ACTR3: variants seen among roughly 807,000 people sequenced by gnomAD.
The protein encoded by ACTR3 is actin related protein 3.
A neutral mutation model predicts 56.8 loss-of-function variants in ACTR3; 12 were observed. That is an observed-to-expected ratio of 0.21 (90% CI 0.14 to 0.34). ACTR3 has a LOEUF of 0.34. Among genes scored for constraint, ACTR3 ranks in the 10% least tolerant of loss-of-function variants. The pLI, the probability that ACTR3 is intolerant of heterozygous loss-of-function variation, is 1.00. For synonymous variants in ACTR3, 162 were observed against 167.4 expected, an observed-to-expected ratio of 0.97 and a Z score of 0.25; for missense variants, 282 against 512.5, an observed-to-expected ratio of 0.55 and a Z score of 4.34.
intron 4 of ACTR3, among the ~76,000 whole-genome samples, chr2:113,928,044 C>A (rs7602093): frequency 0.87 from 131,817 of 152,060 alleles, 57,527 homozygotes; most frequent in African/African-American, 0.95. Context: ...TTTATTTCTT[C>A]TGTCTTTAAG....
intron 7 of ACTR3, among the ~76,000 whole-genome samples, chr2:113,940,351 A>G (rs548348036): frequency 7.0e-4 from 107 of 152,308 alleles, no homozygotes; most frequent in Non-Finnish European, 1.1e-3. Flanking sequence ...ACCAAATGAC[A>G]TTAACATAAA....
chr2:113,910,457 A>G (rs1249557948), intron 1 of ACTR3, among the ~76,000 whole-genome samples: 2 of 152,070 alleles, frequency 1.3e-5, no homozygotes, highest in Non-Finnish European at 2.9e-5. Flanking sequence ...AATTAATTGA[A>G]CTCAAGGAGG....
In ACTR3 at chr2:113,928,232, T is replaced by G. The variant is rs557918584; in HGVS notation, c.336+777T>G. On this transcript the variant is annotated intron_variant, in intron 4 of 11. Transcript: ENST00000263238. ...TCGGTGATTGTGATGGACTATAAAG[T>G]TGAAAGAACCATACTATGGACACTC... 2.9e-3 allele frequency among the ~76,000 whole-genome samples: 443 copies of G among 152,298 alleles called. 3 individuals carry two copies. Among genetic ancestry groups the G allele is most frequent in the Non-Finnish European group, 3.0e-3 (202 of 68,010 alleles).
chr2:113,922,391 T>A (rs1321512890), intron 3 of ACTR3, among the ~76,000 whole-genome samples: 2 of 152,126 alleles, frequency 1.3e-5, no homozygotes, highest in Non-Finnish European at 2.9e-5. Flanking sequence ...TGGAAGTAAA[T>A]GAGAAAAAAG....
chr2:113,909,365 C>G (rs756427468), intron 1 of ACTR3, among the ~76,000 whole-genome samples: 2 of 151,946 alleles, frequency 1.3e-5, no homozygotes, highest in East Asian at 3.9e-4. Flanking sequence ...TGATTTTGGC[C>G]AAGAATGGGG....
intron 4 of ACTR3, among the ~76,000 whole-genome samples, chr2:113,928,892 A>G (rs1679667561): frequency 6.6e-6 from 1 of 152,182 alleles, no homozygotes; most frequent in South Asian, 2.1e-4. Flanking sequence ...CCCGTGCCCT[A>G]GTGACAACCA....
At chr2:113,914,562 G>T (rs1679367855) in intron 2 of ACTR3, among the ~76,000 whole-genome samples, 1 of 144,316 alleles carries the variant, frequency 6.9e-6, no homozygotes, top group South Asian at 2.2e-4. Context: ...AGTGAGCTGA[G>T]ATGGCGCCAC....
chr2:113,900,664 T>TA (rs1176843762), intron 1 of ACTR3, among the ~76,000 whole-genome samples: 6 of 152,170 alleles, frequency 3.9e-5, no homozygotes, highest in African/African-American at 1.4e-4. Context: ...CCCGATGCAT[T>TA]AGGGATAGTC....
At chr2:113,898,110 A>T (rs1679042302) in intron 1 of ACTR3, among the ~76,000 whole-genome samples, 1 of 151,956 alleles carries the variant, frequency 6.6e-6, no homozygotes, top group South Asian at 2.1e-4. Context: ...CATGTAAACC[A>T]TGTTTTTAGT....
chr2:113,919,756 A>AT (rs140774750), intron 3 of ACTR3, among the ~76,000 whole-genome samples: 45,101 of 151,710 alleles, frequency 0.3, 11,052 homozygotes, highest in African/African-American at 0.67. Flanking sequence ...ATTTTATTTT[A>AT]TTTTTAAGAC....
At chr2:113,890,041 G>A (rs575206402), upstream of ACTR3, 3 of 594,908 alleles carry the variant, frequency 5.0e-6, no homozygotes, top group African/African-American at 5.7e-5. Flanking sequence ...GAAGAGAGAG[G>A]GGGAGGAGGC....
At chr2:113,913,951 A>G (rs1251273515) in intron 2 of ACTR3, among the ~76,000 whole-genome samples, 2 of 152,188 alleles carry the variant, frequency 1.3e-5, no homozygotes, top group Admixed American at 6.5e-5. Context: ...AACACTTCTG[A>G]TCTATTTGTC....
intron 3 of ACTR3, among the ~76,000 whole-genome samples, chr2:113,922,049 G>C (rs186279376): frequency 6.6e-6 from 1 of 152,158 alleles, no homozygotes; most frequent in Non-Finnish European, 1.5e-5. Flanking sequence ...GCTGTCTTTC[G>C]CTACAAGGTG....
At chr2:113,909,561 C>G (rs1350391177) in intron 1 of ACTR3, among the ~76,000 whole-genome samples, 1 of 150,650 alleles carries the variant, frequency 6.6e-6, no homozygotes, top group African/African-American at 2.4e-5. Context: ...TTAAAATGAT[C>G]AGGAAAGACT....
chr2:113,894,949 G>C (rs1333523193), intron 1 of ACTR3, among the ~76,000 whole-genome samples: 4 of 151,640 alleles, frequency 2.6e-5, no homozygotes, highest in Non-Finnish European at 5.9e-5. Context: ...TGTTAGTAAA[G>C]TTAACTGTAT....
intron 1 of ACTR3, among the ~76,000 whole-genome samples, chr2:113,893,329 C>G (rs1227298306): frequency 6.6e-6 from 1 of 151,840 alleles, no homozygotes; most frequent in Non-Finnish European, 1.5e-5. Context: ...GAGTCTTGCC[C>G]TGTCGCTGGG....
intron 3 of ACTR3, among the ~76,000 whole-genome samples, chr2:113,924,054 CTT>C (rs35658755): frequency 0.027 from 3,705 of 134,860 alleles, 126 homozygotes; most frequent in African/African-American, 0.079. Flanking sequence ...ACTTTTTTCT[CTT>C]TTTTTTTTTT....
chr2:113,936,509 ACTGT>A (rs1164645822), intron 6 of ACTR3, among the ~76,000 whole-genome samples: 3 of 152,308 alleles, frequency 2.0e-5, no homozygotes, highest in Admixed American at 1.3e-4. Flanking sequence ...TTAACTTACC[ACTGT>A]CTAATTACAA....
rs534368138 is a variant in ACTR3 at position 113,959,100 on chromosome 2, C to A, written c.*1645C>A. 6.6e-6 allele frequency: 1 copy of A among 152,096 alleles called. No homozygotes were observed. The highest frequency in any genetic ancestry group is 2.1e-4 in the South Asian group (1 of 4,828). 9.4% of individuals were successfully genotyped at this position (152,096 alleles called of 1,614,324 possible). ...GTAATTCACAAACATTATAAAAATA[C>A]TATTCAAACAGTACCAAAGAGTAGA... On this transcript the variant is annotated 3_prime_UTR_variant, in exon 12 of 12. Coordinates refer to ENST00000263238, the MANE Select transcript of ACTR3 (RefSeq NM_005721.5).
Sources: gnomAD v4.1 joint callset for allele counts (sites outside exome capture counted in the v4.1 genomes callset) on GRCh38, gnomAD v4.1.1 for gene constraint, MANE v1.5 for transcripts, NCBI Gene and HGNC (gene_info 2026-07-23, HGNC 2026-07-21) for gene names.